MMP19: variants seen among roughly 807,000 people sequenced by gnomAD.
The protein encoded by MMP19 is matrix metallopeptidase 19, also known as matrix metalloproteinase-19.
MMP19 carries 47 observed loss-of-function variants against 46.6 expected under a neutral mutation model. The observed-to-expected ratio is 1.01, with a 90% CI of 0.80 to 1.29. MMP19 has a LOEUF of 1.29. Among genes scored for constraint, MMP19 ranks in the 50% most tolerant of loss-of-function variants. MMP19 has a pLI of 0.00. For missense variants in MMP19, 589 were observed against 643.5 expected (o/e 0.92, Z 0.92); for synonymous variants, 222 against 248.5 (o/e 0.89, Z 1.00).
Position 55,842,796 on chromosome 12 carries a change from A to C in MMP19, c.35T>G (p.Leu12Arg). 6.2e-7 allele frequency: 1 copy of C among 1,605,868 alleles called. No homozygotes were observed. Among genetic ancestry groups the C allele is most frequent in the Admixed American group, 1.7e-5 (1 of 58,980 alleles). Reference sequence around the variant, plus strand: ...GACCCGGCCTGAGACTGTCATGGGGAGTAGGAAGCCCAGCCACAGCTGCTG... The same window carrying C: ...GACCCGGCCTGAGACTGTCATGGGGCGTAGGAAGCCCAGCCACAGCTGCTG... ...NCQQLWLGFL[L>R]PMTVSGRVLG... The change falls in exon 1 of 9, where the codon CTC becomes CGC. Residue 12 changes from leucine (L) to arginine (R), a missense_variant. Leu to Arg is a moderately radical substitution (Grantham distance 102). Transcript: ENST00000322569.
intron 1 of MMP19, 62 bp downstream of exon 1, chr12:55,842,682 G>A (rs573421510): frequency 1.0e-5 from 14 of 1,364,430 alleles, no homozygotes; most frequent in Non-Finnish European, 1.4e-5. Flanking sequence ...GGCTTCGATG[G>A]GGCTGTGGAG....
intron 4 of MMP19, 192 bp from the exon 5 acceptor site, chr12:55,839,933 T>C: frequency 1.3e-6 from 1 of 741,842 alleles, no homozygotes; most frequent in Non-Finnish European, 2.1e-6. Flanking sequence ...TGCCCATCAC[T>C]GTCCCTTACC....
At chr12:55,837,719 C>G in intron 7 of MMP19, 37 bp from the exon 8 acceptor site, 3 of 1,613,432 alleles carry the variant, frequency 1.9e-6, no homozygotes, top group Non-Finnish European at 2.5e-6. Context: ...TCACCTCTGT[C>G]CTCAGGTGAT....
Position 55,837,700 on chromosome 12 carries a change from A to G in MMP19, c.1061-18T>C. ...CTTGTCTCCTGAGAGCATGTGAGGA[A>G]AGAACAAGTCACCTCTGTCCTCAGG... On this transcript the variant is annotated intron_variant, in intron 7 of 8. Transcript: ENST00000322569. 6.2e-7 allele frequency: 1 copy of G among 1,614,102 alleles called. No individual in the cohort carries two copies.
chr12:55,839,944 T>G, intron 4 of MMP19: 6 of 655,542 alleles, frequency 9.2e-6, no homozygotes, highest in East Asian at 2.9e-5. Flanking sequence ...GTCCCTTACC[T>G]TCCCAGCCAC....
intron 2 of MMP19, among the ~76,000 whole-genome samples, chr12:55,841,579 T>C (rs12304591): frequency 9.9e-5 from 15 of 151,672 alleles, no homozygotes; most frequent in South Asian, 2.1e-4. Flanking sequence ...TCTCTTTCTT[T>C]CTTCCTTTCT....
chr12:55,839,382 TGGA>T (rs1476166448), intron 5 of MMP19, 111 bp downstream of exon 5: 1 of 1,329,748 alleles, frequency 7.5e-7, no homozygotes, highest in Non-Finnish European at 1.0e-6. Flanking sequence ...GTAACTGGGC[TGGA>T]GGAGAAGAAA....
chr12:55,839,049 G>A (rs138426674), intron 5 of MMP19, among the ~76,000 whole-genome samples: 2 of 152,158 alleles, frequency 1.3e-5, no homozygotes, highest in African/African-American at 4.8e-5. Context: ...AGACCAGCCT[G>A]GGCAACATGG....
chr12:55,840,638 T>G, intron 4 of MMP19, 29 bp downstream of exon 4: 1 of 1,597,446 alleles, frequency 6.3e-7, no homozygotes, highest in Non-Finnish European at 8.6e-7. Context: ...CAGAGGTCTA[T>G]GAGGTGGGAA....
In MMP19 at chr12:55,837,617, C is replaced by A; in HGVS notation, c.1126G>T (p.Val376Leu). 1 of 1,614,172 alleles carries A rather than the reference C, an allele frequency of 6.2e-7. No individual in the cohort carries two copies. The highest frequency in any genetic ancestry group is 8.5e-7 in the Non-Finnish European group (1 of 1,180,026). ...SPGFPKKLNR[V>L]EPNLDAALYW... ...AGAGCTGCATCCAGGTTAGGTTCTA[C>A]CCTATTCAGCTTCTTGGGGAAGCCA... is the stretch of plus-strand genomic sequence containing the variant. The change falls in exon 8 of 9, where the codon GTA (valine) becomes TTA (leucine). Residue 376 changes from valine (V) to leucine (L), a missense_variant. Transcript: ENST00000322569.
rs1200159188 is a variant in MMP19 at position 55,836,997 on chromosome 12, CAG to C, written c.*37_*38del. 1.3e-6 allele frequency: 2 copies of C among 1,507,264 alleles called. No individual in the cohort carries two copies. Among genetic ancestry groups the C allele is most frequent in the African/African-American group, 1.4e-5 (1 of 71,780 alleles). The allele number at this position is 1,507,264 out of a possible 1,614,324, so 93.4% of individuals were successfully genotyped here. ...AATGAAAGGGTGGGTGGTGGAGCCT[CAG>C]GGGTTAATGTCCAAGATTGTGTCTG... On this transcript the variant is annotated 3_prime_UTR_variant, in exon 9 of 9. Transcript: ENST00000322569.
chr12:55,841,518 CCT>C, intron 2 of MMP19: 1 of 230,380 alleles, frequency 4.3e-6, no homozygotes, highest in Non-Finnish European at 8.3e-6. Context: ...AATCTTCCTT[CCT>C]TCCTTCCTTC....
intron 2 of MMP19, 65 bp from the exon 3 acceptor site, chr12:55,841,301 C>T: frequency 6.4e-7 from 1 of 1,564,926 alleles, no homozygotes; most frequent in Non-Finnish European, 8.7e-7. Context: ...GAGATGATTG[C>T]TCTTTGACTT....
rs17844793 is a variant in MMP19, at chr12:55,841,315, G to C, written c.174-79C>G. 10,524 of 1,527,116 alleles carry C rather than the reference G, an allele frequency of 6.9e-3. 576 individuals are homozygous for C. In the African/African-American group the frequency reaches 0.12, roughly 18 times the overall value. 94.6% of individuals were successfully genotyped at this position (1,527,116 alleles called of 1,614,324 possible). A position where few individuals can be genotyped will look rare whatever the true frequency, so the allele number is the denominator to read the frequency against. On this transcript the variant is annotated intron_variant, in intron 2 of 8. Transcript: ENST00000322569. ...GGAGATGATTGCTCTTTGACTTCCT[G>C]CTGCCCAAGTTCATGGCCAAGAATA...
At position 55,839,504 on chromosome 12, in the gene MMP19, G is replaced by C. The variant is rs200711563; in HGVS notation, c.758C>G (p.Ala253Gly). ...LHPDDVAGIQ[A>G]LYGKKSPVIR... Reference sequence around the variant, plus strand: ...TAGGGGGAGGGACTGACCATAGAGAGCCTGGATCCCTGCCACATCATCTGG... The same window carrying C: ...TAGGGGGAGGGACTGACCATAGAGACCCTGGATCCCTGCCACATCATCTGG... The change falls in exon 5 of 9, where the codon GCT becomes GGT. Residue 253 changes from alanine (A) to glycine (G), a missense_variant. Ala to Gly is a moderately conservative substitution (Grantham distance 60). Transcript: ENST00000322569. 4 of 1,609,120 alleles carry C rather than the reference G, an allele frequency of 2.5e-6. No individual in the cohort carries two copies. In the African/African-American group the frequency reaches 5.3e-5, roughly 21 times the overall value.
intron 2 of MMP19, among the ~76,000 whole-genome samples, chr12:55,841,852 G>T (rs945112999): frequency 2.0e-5 from 3 of 152,060 alleles, no homozygotes; most frequent in Non-Finnish European, 4.4e-5. Flanking sequence ...ATGGATACCC[G>T]TCCCAGCCCA....
rs529645203 is a variant in MMP19, at chr12:55,837,215, G to T, written c.1348C>A (p.Arg450Ser). 3.7e-6 allele frequency: 6 copies of T among 1,614,084 alleles called. No individual in the cohort carries two copies. The highest frequency in any genetic ancestry group is 5.1e-6 in the Non-Finnish European group (6 of 1,180,048). Residue 450 changes from arginine (R) to serine (S), a missense_variant, in exon 9 of 9, where the codon CGC becomes AGC. Physicochemically the swap from Arg to Ser is moderately radical, Grantham distance 110. Coordinates refer to ENST00000322569, the MANE Select transcript of MMP19 (RefSeq NM_002429.6). ...VYFFKGKVYW[R>S]LNQQLRVEKG... ...TCTACTCGAAGCTGCTGGTTGAGGC[G>T]CCAGTAGACTTTGCCCTTGAAGAAG... is the stretch of plus-strand genomic sequence containing the variant.
chr12:55,836,887 C>T lies in MMP19; in HGVS notation c.*149G>A. Reference sequence around the variant, plus strand: ...GTGTTAGAGGCCTGAGATCTACGGTCTTGCGCCTGCTACAGCACCTGCAAG... The same window carrying T: ...GTGTTAGAGGCCTGAGATCTACGGTTTTGCGCCTGCTACAGCACCTGCAAG... On this transcript the variant is annotated 3_prime_UTR_variant, in exon 9 of 9. Coordinates refer to ENST00000322569, the MANE Select transcript of MMP19 (RefSeq NM_002429.6). The T allele has an allele frequency of 1.4e-6, 1 of 709,562 alleles. No homozygotes were observed. The highest frequency in any genetic ancestry group is 2.3e-6 in the Non-Finnish European group (1 of 434,826). The allele number at this position is 709,562 out of a possible 1,614,324, so 44.0% of individuals were successfully genotyped here.
chr12:55,840,521 G>A (rs117148221), intron 4 of MMP19, 146 bp downstream of exon 4: 281 of 732,166 alleles, frequency 3.8e-4, no homozygotes, highest in African/African-American at 1.4e-3. Flanking sequence ...AACTGCGCCC[G>A]TGCTCCCGTT....
Sources: gnomAD v4.1 joint callset for allele counts (sites outside exome capture counted in the v4.1 genomes callset) on GRCh38, gnomAD v4.1.1 for gene constraint, MANE v1.5 for transcripts, NCBI Gene and HGNC (gene_info 2026-07-23, HGNC 2026-07-21) for gene names.